HSPA4: variants seen among roughly 807,000 people sequenced by gnomAD.
The protein encoded by HSPA4 is heat shock protein family A (Hsp70) member 4.
In HSPA4, 25 loss-of-function variants were observed where a neutral mutation model predicts 106.2. That is an observed-to-expected ratio of 0.24 (90% CI 0.17 to 0.33). The LOEUF is 0.33. HSPA4 is among the 10% of genes least tolerant of loss of function. HSPA4 has a pLI of 1.00. For synonymous variants in HSPA4, 332 were observed against 333.6 expected (o/e 1.00, Z 0.05); for missense variants, 841 against 996.0 (o/e 0.84, Z 2.10).
Position 133,052,092 on chromosome 5 carries a change from C to G in HSPA4, c.-159C>G, listed in dbSNP as rs568188978. 3 of 587,334 alleles carry G rather than the reference C, an allele frequency of 5.1e-6. No homozygotes were observed. In the Admixed American group the frequency reaches 9.2e-5, roughly 18 times the overall value. The allele number at this position is 587,334 out of a possible 1,614,324, so 36.4% of individuals were successfully genotyped here. On this transcript the variant is annotated 5_prime_UTR_variant, in exon 1 of 19. Coordinates refer to ENST00000304858, the MANE Select transcript of HSPA4 (RefSeq NM_002154.4). ...CCGGCCTGAGCAGCGCTCTCGGTTGCAGTACCCACTGGAAGGACTTAGGCG... is the reference window on the plus strand; with the variant it reads ...CCGGCCTGAGCAGCGCTCTCGGTTGGAGTACCCACTGGAAGGACTTAGGCG...
Position 133,097,249 on chromosome 5 carries a change from A to G in HSPA4, c.1892A>G (p.Lys631Arg), listed in dbSNP as rs1383867082. Residue 631 changes from lysine to arginine, a missense_variant, in exon 15 of 19, where the codon AAG becomes AGG. Physicochemically the swap from Lys to Arg is conservative, Grantham distance 26. Transcript: ENST00000304858. ...GAATATGTGTATGAAATGAGAGACA[A>G]GCTTAGTGGTGAATATGAGAAGTTT... ...VEEYVYEMRD[K>R]LSGEYEKFVS... 6.2e-7 allele frequency: 1 copy of G among 1,613,190 alleles called. No individual in the cohort carries two copies. The highest frequency in any genetic ancestry group is 8.5e-7 in the Non-Finnish European group (1 of 1,179,300).
intron 4 of HSPA4, among the ~76,000 whole-genome samples, chr5:133,070,765 GGT>G (rs1011208983): frequency 6.6e-6 from 1 of 152,046 alleles, no homozygotes; most frequent in Non-Finnish European, 1.5e-5. Context: ...AGTTGGGCGT[GGT>G]GATGGGCACC....
intron 1 of HSPA4, among the ~76,000 whole-genome samples, chr5:133,060,147 G>A (rs1016205324): frequency 6.6e-6 from 1 of 151,228 alleles, no homozygotes; most frequent in Admixed American, 6.6e-5. Context: ...GCCCTCTGTG[G>A]TGGGGGGAGG....
intron 13 of HSPA4, among the ~76,000 whole-genome samples, chr5:133,093,328 A>G (rs1343972066): frequency 6.6e-6 from 1 of 152,154 alleles, no homozygotes; most frequent in African/African-American, 2.4e-5. Flanking sequence ...ATGGGAAGAA[A>G]GCACTCAGGA....
chr5:133,098,544 C>T (rs192307433), intron 15 of HSPA4, among the ~76,000 whole-genome samples: 6 of 151,468 alleles, frequency 4.0e-5, no homozygotes, highest in Non-Finnish European at 7.4e-5. Context: ...AGGATGGTCT[C>T]GATCTCCTGA....
chr5:133,076,569 A>C, intron 6 of HSPA4, 85 bp from the exon 7 acceptor site: 11 of 1,212,342 alleles, frequency 9.1e-6, no homozygotes, highest in Non-Finnish European at 1.2e-5. Flanking sequence ...TTTTTTTTAG[A>C]TAAACAACTT....
chr5:133,088,691 T>G, intron 9 of HSPA4, 136 bp downstream of exon 9: 1 of 688,464 alleles, frequency 1.5e-6, no homozygotes, highest in Non-Finnish European at 2.5e-6. Flanking sequence ...TGTTTTAAAA[T>G]AGAGGTGATG....
At chr5:133,096,064 A>T (rs765973168) in intron 13 of HSPA4, 34 bp from the exon 14 acceptor site, 19 of 1,595,298 alleles carry the variant, frequency 1.2e-5, no homozygotes, top group Non-Finnish European at 1.5e-5. Flanking sequence ...TAGTCTGTAT[A>T]TGTGTTTGTT....
intron 7 of HSPA4, among the ~76,000 whole-genome samples, chr5:133,081,396 C>G (rs745581658): frequency 4.6e-5 from 7 of 152,158 alleles, no homozygotes; most frequent in Non-Finnish European, 5.9e-5. Flanking sequence ...TGTTTTCCCT[C>G]CCTCTTTTGT....
chr5:133,082,785 GAATTCTATAGCATGTA>G (rs1406915138), intron 7 of HSPA4, among the ~76,000 whole-genome samples: 1 of 152,062 alleles, frequency 6.6e-6, no homozygotes, highest in East Asian at 1.9e-4. Flanking sequence ...TTAAATGGGT[GAATTCTATAGCATGTA>G]AATTATATTG....
At chr5:133,098,599 A>T (rs747198660) in intron 15 of HSPA4, among the ~76,000 whole-genome samples, 1 of 152,028 alleles carries the variant, frequency 6.6e-6, no homozygotes, top group Non-Finnish European at 1.5e-5. Flanking sequence ...CTGGGATTAC[A>T]GGCGTGAGTC....
intron 1 of HSPA4, 110 bp from the exon 2 acceptor site, chr5:133,064,870 T>C: frequency 1.1e-6 from 1 of 945,946 alleles, no homozygotes; most frequent in Non-Finnish European, 1.7e-6. Context: ...CATAGATTTG[T>C]ACCATTAAAA....
In HSPA4 at chr5:133,052,233, C is replaced by G; in HGVS notation, c.-18C>G. Reference sequence around the variant, plus strand: ...CGGTGGCCGGACCCGGGCCCGAGCCCGAGCAGTAGCCGGCGCCATGTCGGT... The same window carrying G: ...CGGTGGCCGGACCCGGGCCCGAGCCGGAGCAGTAGCCGGCGCCATGTCGGT... On this transcript the variant is annotated 5_prime_UTR_variant, in exon 1 of 19. Coordinates refer to ENST00000304858, the MANE Select transcript of HSPA4 (RefSeq NM_002154.4). 6.4e-7 allele frequency: 1 copy of G among 1,556,168 alleles called. No homozygotes were observed. The highest frequency in any genetic ancestry group is 1.8e-4 in the Middle Eastern group (1 of 5,528).
At chr5:133,072,549 C>G (rs925212216) in intron 4 of HSPA4, among the ~76,000 whole-genome samples, 3 of 151,494 alleles carry the variant, frequency 2.0e-5, no homozygotes, top group African/African-American at 7.3e-5. Context: ...CCACCACACC[C>G]AGCTAGTGGT....
At chr5:133,098,129 T>G (rs972772301) in intron 15 of HSPA4, among the ~76,000 whole-genome samples, 1 of 152,118 alleles carries the variant, frequency 6.6e-6, no homozygotes, top group African/African-American at 2.4e-5. Context: ...GCTCCATAGC[T>G]TAGCTCCTAC....
intron 1 of HSPA4, among the ~76,000 whole-genome samples, chr5:133,059,147 A>G (rs941720038): frequency 2.9e-5 from 4 of 140,240 alleles, no homozygotes; most frequent in Admixed American, 1.4e-4. Context: ...AATAATAATA[A>G]TAATAGAATA....
rs554479903 is a variant in HSPA4, at chr5:133,069,468, C to G, written c.307-906C>G. ...GTTTCACCATTTTGGTCACGCTGGT[C>G]TTGAACTCCTAACCTCAAGTGATTT... On this transcript the variant is annotated intron_variant, in intron 3 of 18. Coordinates refer to ENST00000304858, the MANE Select transcript of HSPA4 (RefSeq NM_002154.4). Among the ~76,000 whole-genome samples, 7 of 152,160 alleles carry G rather than the reference C, an allele frequency of 4.6e-5. No homozygotes were observed. The East Asian group carries it at 1.4e-3, about 30-fold the overall frequency.
chr5:133,071,913 A>G (rs1468467883), intron 4 of HSPA4, among the ~76,000 whole-genome samples: 2 of 152,210 alleles, frequency 1.3e-5, no homozygotes, highest in African/African-American at 4.8e-5. Context: ...CTGATACACC[A>G]GATCCTGTAT....
In HSPA4 at chr5:133,091,394, C is replaced by T. The variant is rs1765646039; in HGVS notation, c.1560+20C>T. Reference sequence around the variant, plus strand: ...GAAGAGGTAATCTAGACATTGTATACCACTTGTGATGGCCCAGAGGTGACT... The same window carrying T: ...GAAGAGGTAATCTAGACATTGTATATCACTTGTGATGGCCCAGAGGTGACT... On this transcript the variant is annotated intron_variant, in intron 12 of 18. Transcript: ENST00000304858. The T allele has an allele frequency of 1.9e-6, 3 of 1,586,070 alleles. No individual in the cohort carries two copies. Among genetic ancestry groups the T allele is most frequent in the Non-Finnish European group, 1.7e-6 (2 of 1,160,218 alleles).
Sources: allele counts gnomAD v4.1 joint callset (sites outside exome capture counted in the v4.1 genomes callset), GRCh38; gene constraint gnomAD v4.1.1; transcripts MANE v1.5; gene names NCBI Gene and HGNC (gene_info 2026-07-23, HGNC 2026-07-21).